Variants in CDH22 observed in about 807,000 individuals in gnomAD.
The protein encoded by CDH22 is cadherin 22, also known as cadherin-22.
Under a neutral mutation model 58.4 loss-of-function variants are expected in CDH22, and 30 were observed. That is an observed-to-expected ratio of 0.51 (90% CI 0.38 to 0.70). CDH22 has a LOEUF of 0.70. Ranked by LOEUF, CDH22 falls within the 30% of genes least tolerant of loss-of-function variation. CDH22 has a pLI of 0.00. For missense variants in CDH22, 1,014 were observed against 1,233.9 expected (o/e 0.82, Z 2.67); for synonymous variants, 513 against 558.2 (o/e 0.92, Z 1.14).
At position 46,174,453 on chromosome 20, in the gene CDH22, C is replaced by G. The variant is rs2085719405; in HGVS notation, c.*53G>C. ...CGGGGGAAACGCGTTGTCCTGGGGC[C>G]CCGGCGTGTGCTGGGCGGGTGAGCA... is the stretch of plus-strand genomic sequence containing the variant. On this transcript the variant is annotated 3_prime_UTR_variant, in exon 12 of 12. Transcript: ENST00000537909. This position sits in a 1 kb window ranked among gnomAD's most constrained non-coding sequence, Gnocchi z 4.4. 1.6e-6 allele frequency: 2 copies of G among 1,274,388 alleles called. No homozygotes were observed. The highest frequency in any genetic ancestry group is 3.2e-5 in the South Asian group (2 of 61,620). 78.9% of individuals were successfully genotyped at this position (1,274,388 alleles called of 1,614,324 possible).
chr20:46,282,254 C>A (rs1221612968), intron 1 of CDH22, among the ~76,000 whole-genome samples: 2 of 152,152 alleles, frequency 1.3e-5, no homozygotes, highest in East Asian at 3.8e-4. Flanking sequence ...GCCCAGGATA[C>A]CCTGAGTTTG....
At chr20:46,236,445 C>T (rs58809453) in intron 3 of CDH22, among the ~76,000 whole-genome samples, 3,044 of 147,696 alleles carry the variant, frequency 0.021, 100 homozygotes, top group African/African-American at 0.072. Context: ...TTCTGCATAG[C>T]ACTCACACCA....
At chr20:46,242,948 C>T (rs943348458) in intron 2 of CDH22, among the ~76,000 whole-genome samples, 1 of 152,158 alleles carries the variant, frequency 6.6e-6, no homozygotes, top group Non-Finnish European at 1.5e-5. Flanking sequence ...ACCAGCAAGA[C>T]GTCTGTTTTC....
intron 3 of CDH22, among the ~76,000 whole-genome samples, chr20:46,234,853 G>A (rs1434436693): frequency 6.6e-6 from 1 of 152,236 alleles, no homozygotes; most frequent in Non-Finnish European, 1.5e-5. Context: ...GTCAGGGGTG[G>A]TGTCTTGCTC....
At chr20:46,243,280 G>A (rs2086305134) in intron 2 of CDH22, among the ~76,000 whole-genome samples, 2 of 152,218 alleles carry the variant, frequency 1.3e-5, no homozygotes, top group African/African-American at 4.8e-5. Context: ...GATTATAGAA[G>A]TGCCATTTGG....
At chr20:46,186,802 C>T (rs374683636) in intron 9 of CDH22, 24 bp downstream of exon 9, 2 of 1,596,408 alleles carry the variant, frequency 1.3e-6, no homozygotes, top group Non-Finnish European at 1.7e-6. Context: ...AAGCAACGCC[C>T]AGTCCCCACC....
Position 46,241,361 on chromosome 20 carries a change from C to G in CDH22, c.256-104G>C, listed in dbSNP as rs1376911411. The G allele has an allele frequency of 1.1e-6, 1 of 938,836 alleles. No homozygotes were observed. The highest frequency in any genetic ancestry group is 1.6e-6 in the Non-Finnish European group (1 of 636,630). The allele number at this position is 938,836 out of a possible 1,614,324, so 58.2% of individuals were successfully genotyped here. ...GCCTATTCCTAAGCCCATCTCTTCT[C>G]CAGCACATACACATCTTTAGTGAGG... is the stretch of plus-strand genomic sequence containing the variant. On this transcript the variant is annotated intron_variant, in intron 2 of 11. Coordinates refer to ENST00000537909, the MANE Select transcript of CDH22 (RefSeq NM_021248.3). This position sits in a 1 kb window ranked among gnomAD's most constrained non-coding sequence, Gnocchi z 5.2.
intron 1 of CDH22, among the ~76,000 whole-genome samples, chr20:46,285,747 A>C (rs1174755429): frequency 6.6e-6 from 1 of 152,122 alleles, no homozygotes; most frequent in African/African-American, 2.4e-5. Context: ...GGGTTCAGAC[A>C]CCTTTTGTTT....
At chr20:46,223,119 T>C (rs1158989007) in intron 4 of CDH22, among the ~76,000 whole-genome samples, 13 of 152,176 alleles carry the variant, frequency 8.5e-5, no homozygotes, top group Admixed American at 8.5e-4. Context: ...AGGGACCCCA[T>C]TTGAACTCCT....
chr20:46,180,425 G>C (rs1052887020), intron 10 of CDH22, among the ~76,000 whole-genome samples: 3 of 152,170 alleles, frequency 2.0e-5, no homozygotes, highest in African/African-American at 7.2e-5. Flanking sequence ...TTGAACTCTA[G>C]CTCTCCCCCC....
intron 11 of CDH22, 25 bp from the exon 12 acceptor site, chr20:46,175,102 C>T (rs1324674274): frequency 2.6e-6 from 4 of 1,565,416 alleles, no homozygotes; most frequent in East Asian, 2.5e-5. Flanking sequence ...GAGGGGGCAA[C>T]TGAGGGCCAA....
chr20:46,211,834 CCG>C (rs1224860916), intron 6 of CDH22, among the ~76,000 whole-genome samples: 1 of 151,768 alleles, frequency 6.6e-6, no homozygotes, highest in African/African-American at 2.4e-5. Flanking sequence ...CCCCCTGAGC[CCG>C]TATCCCTACT....
At position 46,186,628 on chromosome 20, in the gene CDH22, T is replaced by C. The variant is rs753288896; in HGVS notation, c.1623A>G (p.Glu541=). The change falls in exon 10 of 12, where the codon GAA becomes GAG. Residue 541 remains glutamate (E), a synonymous_variant. Coordinates refer to ENST00000537909, the MANE Select transcript of CDH22 (RefSeq NM_021248.3). ...GAGAGAAATGAGGGTTGCTGGGAGC[T>C]TCAGGCACCAGGCGGAAATAGAAGC... ...GHRFYFRLVP[E]APSNPHFSLL... 1 of 1,612,872 alleles carries C rather than the reference T, an allele frequency of 6.2e-7. No homozygotes were observed. The highest frequency in any genetic ancestry group is 1.3e-5 in the African/African-American group (1 of 74,858).
At chr20:46,295,982 G>A (rs2086627224) in intron 1 of CDH22, among the ~76,000 whole-genome samples, 1 of 152,150 alleles carries the variant, frequency 6.6e-6, no homozygotes, top group Non-Finnish European at 1.5e-5. Context: ...AGGCTTGTCT[G>A]AAACTCCTGG....
chr20:46,203,148 G>A (rs986472111), intron 7 of CDH22, among the ~76,000 whole-genome samples: 8 of 152,142 alleles, frequency 5.3e-5, no homozygotes, highest in Non-Finnish European at 7.3e-5. Context: ...TAGGGCGGGG[G>A]CAGCGGGGAC....
At chr20:46,280,349 G>A (rs1022326687) in intron 1 of CDH22, among the ~76,000 whole-genome samples, 4 of 152,200 alleles carry the variant, frequency 2.6e-5, no homozygotes, top group African/African-American at 7.2e-5. Flanking sequence ...GAACCTGGGA[G>A]GTGGAGGTTG....
At chr20:46,179,777 A>ACT (rs2085771133) in intron 10 of CDH22, among the ~76,000 whole-genome samples, 1 of 152,160 alleles carries the variant, frequency 6.6e-6, no homozygotes, top group Non-Finnish European at 1.5e-5. Context: ...AACCCTTAGA[A>ACT]AAGTTCCCAG....
chr20:46,227,666 G>A (rs1278358567), intron 3 of CDH22, 39 bp from the exon 4 acceptor site: 1 of 1,583,090 alleles, frequency 6.3e-7, no homozygotes, highest in Non-Finnish European at 8.6e-7. Flanking sequence ...GGTCATCTGG[G>A]GCTGCGGAGC....
At chr20:46,249,880 C>T (rs1269542260) in intron 2 of CDH22, among the ~76,000 whole-genome samples, 4 of 152,212 alleles carry the variant, frequency 2.6e-5, no homozygotes, top group Non-Finnish European at 5.9e-5. Context: ...CTGATGAACT[C>T]CTACACGTAT....
Sources: allele counts gnomAD v4.1 joint callset (sites outside exome capture counted in the v4.1 genomes callset), GRCh38; gene constraint gnomAD v4.1.1; non-coding constraint Gnocchi (gnomAD v3.1); transcripts MANE v1.5; gene names NCBI Gene and HGNC (gene_info 2026-07-23, HGNC 2026-07-21).